NAA38: variants seen among roughly 807,000 people sequenced by gnomAD.
NAA38 encodes N-alpha-acetyltransferase 38, NatC auxiliary subunit.
A neutral mutation model predicts 12.6 loss-of-function variants in NAA38; 15 were observed. The observed-to-expected ratio is 1.19, with a 90% CI of 0.79 to 1.83. The LOEUF is 1.83. NAA38 is among the 40% of genes most tolerant of loss of function. The pLI, the probability that NAA38 is intolerant of heterozygous loss-of-function variation, is 0.00. For synonymous variants in NAA38, 88 were observed against 69.9 expected, an observed-to-expected ratio of 1.26 and a Z score of -1.29; for missense variants, 183 against 171.7, an observed-to-expected ratio of 1.07 and a Z score of -0.37.
chr17:7,880,515 A>T (rs1567819688), intron 2 of NAA38, among the ~76,000 whole-genome samples: 1 of 152,194 alleles, frequency 6.6e-6, no homozygotes, highest in Non-Finnish European at 1.5e-5. Flanking sequence ...GTGGAGCCAG[A>T]AGGCTTTAAT....
At chr17:7,869,563 A>C (rs1053448188) in intron 2 of NAA38, among the ~76,000 whole-genome samples, 13 of 152,090 alleles carry the variant, frequency 8.5e-5, no homozygotes, top group Non-Finnish European at 1.6e-4. Flanking sequence ...GGAGTTCAAG[A>C]CCAGCCTGGC....
intron 1 of NAA38, chr17:7,884,801 C>G: frequency 1.6e-6 from 1 of 623,520 alleles, no homozygotes; most frequent in Non-Finnish European, 2.4e-6. Context: ...GGGCCAGAGC[C>G]ACAGGATGGC....
At chr17:7,884,918 G>A in intron 1 of NAA38, 2 of 1,418,776 alleles carry the variant, frequency 1.4e-6, no homozygotes, top group Non-Finnish European at 1.9e-6. Context: ...GGAGGTGGAG[G>A]CGGCCGACGA....
rs14751 is a variant in NAA38 at position 7,857,082 on chromosome 17, G to A, written c.198C>T (p.Cys66=). The part of the protein sequence containing the change: ...RMTDGRTLVG[C]FLCTDRDCNV... ...TGCAGTCACGGTCAGTGCAGAGGAA[G>A]CAGCCGACCAGTGTCCGTCCATCTG... The change falls in exon 2 of 3, where the codon TGC becomes TGT. Residue 66 remains cysteine (C), a synonymous_variant. Coordinates refer to ENST00000575771, the MANE Select transcript of NAA38 (RefSeq NM_001320925.4). 1.2e-6 allele frequency: 2 copies of A among 1,613,570 alleles called. No individual in the cohort carries two copies. The highest frequency in any genetic ancestry group is 1.7e-6 in the Non-Finnish European group (2 of 1,180,044).
chr17:7,877,019 C>A, intron 2 of NAA38: 1 of 356,560 alleles, frequency 2.8e-6, no homozygotes. Context: ...TACATTACAT[C>A]TACTGATTGT....
At chr17:7,871,802 G>A (rs572258192) in intron 2 of NAA38, among the ~76,000 whole-genome samples, 22 of 152,256 alleles carry the variant, frequency 1.4e-4, no homozygotes, top group Admixed American at 1.1e-3. Context: ...ATACAAGCAC[G>A]CACCATGATG....
intron 2 of NAA38, among the ~76,000 whole-genome samples, chr17:7,869,087 G>C (rs1967039153): frequency 6.6e-6 from 1 of 152,230 alleles, no homozygotes; most frequent in Non-Finnish European, 1.5e-5. Context: ...CCTCTGAAGA[G>C]AGAAGTGGCT....
chr17:7,879,997 A>G (rs1168563904), intron 2 of NAA38, among the ~76,000 whole-genome samples: 1 of 150,342 alleles, frequency 6.7e-6, no homozygotes. Context: ...GGATGCAGAC[A>G]GGCAAACAGA....
chr17:7,859,699 G>A, upstream of NAA38: 3 of 1,249,156 alleles, frequency 2.4e-6, no homozygotes, highest in South Asian at 1.3e-5. Flanking sequence ...GGGGCCGAGG[G>A]GTGCCTGGAC....
chr17:7,882,318 T>G (rs1167514928), intron 2 of NAA38, among the ~76,000 whole-genome samples: 9 of 152,084 alleles, frequency 5.9e-5, no homozygotes, highest in Non-Finnish European at 8.8e-5. Context: ...ATACACAGTA[T>G]GATCCACAGA....
intron 3 of NAA38, chr17:7,865,364 C>T (rs756673650): frequency 6.6e-6 from 1 of 152,236 alleles, no homozygotes; most frequent in Non-Finnish European, 1.5e-5. Flanking sequence ...GCATGTCAAA[C>T]ATAGGATGCT....
In NAA38 at chr17:7,857,517, G is replaced by C. The variant is rs1042506927; in HGVS notation, c.-54C>G. Reference sequence around the variant, plus strand: ...AACTTCCTAAGCACCTTTCAGGTTGGGTGGTCCGAGATCTCGCGAGCGCTC... The same window carrying C: ...AACTTCCTAAGCACCTTTCAGGTTGCGTGGTCCGAGATCTCGCGAGCGCTC... On this transcript the variant is annotated 5_prime_UTR_variant, in exon 1 of 3. Coordinates refer to ENST00000575771, the MANE Select transcript of NAA38 (RefSeq NM_001320925.4). 1 of 1,475,786 alleles carries C rather than the reference G, an allele frequency of 6.8e-7. No homozygotes were observed. The highest frequency in any genetic ancestry group is 2.6e-5 in the Admixed American group (1 of 38,860). The allele number at this position is 1,475,786 out of a possible 1,614,324, so 91.4% of individuals were successfully genotyped here. A position where few individuals can be genotyped will look rare whatever the true frequency, so the allele number is the denominator to read the frequency against.
intron 2 of NAA38, among the ~76,000 whole-genome samples, chr17:7,882,524 C>T (rs1967292266): frequency 6.6e-6 from 1 of 151,870 alleles, no homozygotes. Flanking sequence ...AGAGAGAAGC[C>T]CACAATATAG....
chr17:7,871,021 C>T (rs973924818), intron 2 of NAA38, among the ~76,000 whole-genome samples: 1 of 152,108 alleles, frequency 6.6e-6, no homozygotes, highest in Admixed American at 6.5e-5. Flanking sequence ...ACCACCACAC[C>T]CAACCAGAAA....
At chr17:7,858,335 G>C, upstream of NAA38, 1 of 1,614,024 alleles carries the variant, frequency 6.2e-7, no homozygotes, top group Non-Finnish European at 8.5e-7. Flanking sequence ...GTGTGTGTGT[G>C]TGCACGCGCG....
chr17:7,884,671 TGAGGAGGAGGAGGACGCCGCCGCC>T (rs1967462391), intron 1 of NAA38: 5 of 252,504 alleles, frequency 2.0e-5, no homozygotes, highest in East Asian at 6.2e-5. Flanking sequence ...GGGGAGGCGG[TGAGGAGGAGGAGGACGCCGCCGCC>T]GAGGAGGAGG....
At chr17:7,869,223 A>G (rs974143410) in intron 2 of NAA38, among the ~76,000 whole-genome samples, 3 of 152,178 alleles carry the variant, frequency 2.0e-5, no homozygotes, top group African/African-American at 4.8e-5. Context: ...TTAATACACC[A>G]TTTTACAGAT....
At chr17:7,863,578 T>C (rs1966910268) in intron 3 of NAA38, 1 of 152,216 alleles carries the variant, frequency 6.6e-6, no homozygotes, top group African/African-American at 2.4e-5. Context: ...AGTTATGGTA[T>C]AGAAAAGTTT....
At chr17:7,878,561 G>A (rs1250539655) in intron 2 of NAA38, among the ~76,000 whole-genome samples, 1 of 151,918 alleles carries the variant, frequency 6.6e-6, no homozygotes, top group Non-Finnish European at 1.5e-5. Context: ...GCCTCTGCTA[G>A]AAATCCAAAA....
Sources: allele counts gnomAD v4.1 joint callset (sites outside exome capture counted in the v4.1 genomes callset), GRCh38; gene constraint gnomAD v4.1.1; transcripts MANE v1.5; gene names NCBI Gene and HGNC (gene_info 2026-07-23, HGNC 2026-07-21).